JAM3: variants seen among roughly 807,000 people sequenced by gnomAD.
JAM3 encodes junctional adhesion molecule 3.
In JAM3, 31 loss-of-function variants were observed where a neutral mutation model predicts 39.4. The ratio of observed to expected loss-of-function variants is 0.79; its 90% confidence interval spans 0.59 to 1.06. JAM3 has a LOEUF of 1.06. Among genes scored for constraint, JAM3 ranks in the 50% least tolerant of loss-of-function variants. The pLI is 0.00. For synonymous variants in JAM3, 182 were observed against 148.7 expected (o/e 1.22, Z -1.63); for missense variants, 455 against 391.4 (o/e 1.16, Z -1.37).
intron 1 of JAM3, among the ~76,000 whole-genome samples, chr11:134,097,316 G>A (rs1219337031): frequency 6.6e-6 from 1 of 152,196 alleles, no homozygotes; most frequent in East Asian, 1.9e-4. Flanking sequence ...AGTGTTTAGT[G>A]TCTGTGGTTG....
chr11:134,093,756 C>T (rs1490604858), intron 1 of JAM3, among the ~76,000 whole-genome samples: 1 of 90,250 alleles, frequency 1.1e-5, no homozygotes, highest in African/African-American at 4.4e-5. Context: ...TCATGTTCCA[C>T]CTTACACGTC....
intron 1 of JAM3, among the ~76,000 whole-genome samples, chr11:134,074,087 G>A (rs2120564036): frequency 6.6e-6 from 1 of 152,316 alleles, no homozygotes; most frequent in South Asian, 2.1e-4. Flanking sequence ...TATCATTTAA[G>A]TGACACAAGC....
intron 1 of JAM3, among the ~76,000 whole-genome samples, chr11:134,109,136 A>AT (rs1942261208): frequency 6.6e-6 from 1 of 152,028 alleles, no homozygotes; most frequent in African/African-American, 2.4e-5. Flanking sequence ...TAATTTTTGT[A>AT]TTTTTAGAAG....
intron 1 of JAM3, among the ~76,000 whole-genome samples, chr11:134,125,134 C>G (rs151151345): frequency 4.6e-5 from 7 of 152,276 alleles, no homozygotes; most frequent in African/African-American, 1.4e-4. Flanking sequence ...CTGCTCCAGC[C>G]GCTCCCGGAC....
intron 1 of JAM3, chr11:134,070,082 C>T (rs539202270): frequency 3.1e-5 from 14 of 449,488 alleles, no homozygotes; most frequent in South Asian, 2.2e-4. Flanking sequence ...CTTTAGTGAG[C>T]TTGTACTGTC....
At chr11:134,123,565 T>A (rs558066932) in intron 1 of JAM3, among the ~76,000 whole-genome samples, 79 of 152,352 alleles carry the variant, frequency 5.2e-4, no homozygotes, top group African/African-American at 1.6e-3. Context: ...TGGCAGAAAT[T>A]CAAACTCCAA....
intron 1 of JAM3, among the ~76,000 whole-genome samples, chr11:134,121,624 A>T (rs753446539): frequency 6.6e-6 from 1 of 152,194 alleles, no homozygotes. Context: ...ATTAAATCCA[A>T]AAGAAAAAGA....
chr11:134,106,089 C>T (rs931986491), intron 1 of JAM3, among the ~76,000 whole-genome samples: 4 of 152,180 alleles, frequency 2.6e-5, no homozygotes, highest in African/African-American at 9.7e-5. Context: ...TGCTACCTGA[C>T]TTCAAACTAT....
At chr11:134,142,200 G>A (rs1184777845) in intron 3 of JAM3, among the ~76,000 whole-genome samples, 1 of 152,178 alleles carries the variant, frequency 6.6e-6, no homozygotes, top group Non-Finnish European at 1.5e-5. Flanking sequence ...CCACAGGGAT[G>A]GGGAGGCCGA....
chr11:134,143,297 G>A (rs533128052), intron 3 of JAM3, among the ~76,000 whole-genome samples: 4 of 152,302 alleles, frequency 2.6e-5, no homozygotes, highest in South Asian at 2.1e-4. Context: ...TGGAAGCGGC[G>A]TCTTGTGGAT....
chr11:134,099,766 C>T (rs1405476231), intron 1 of JAM3, among the ~76,000 whole-genome samples: 1 of 152,142 alleles, frequency 6.6e-6, no homozygotes, highest in East Asian at 1.9e-4. Context: ...GCCACCACGC[C>T]TGGCTAATTT....
chr11:134,115,774 G>A (rs1202279946), intron 1 of JAM3, among the ~76,000 whole-genome samples: 3 of 152,068 alleles, frequency 2.0e-5, no homozygotes, highest in African/African-American at 7.2e-5. Context: ...GCACACACCT[G>A]TAGTCCCAGC....
chr11:134,133,337 G>GA (rs1385440581), intron 1 of JAM3, among the ~76,000 whole-genome samples: 2 of 152,168 alleles, frequency 1.3e-5, no homozygotes, highest in African/African-American at 4.8e-5. Context: ...ATGTTGAATA[G>GA]AAGTGGTGAA....
In JAM3 at chr11:134,144,818, G is replaced by C. The variant is rs749718908; in HGVS notation, c.436G>C (p.Val146Leu). 2 of 1,614,144 alleles carry C rather than the reference G, an allele frequency of 1.2e-6. No individual in the cohort carries two copies. Among genetic ancestry groups the C allele is most frequent in the Non-Finnish European group, 1.7e-6 (2 of 1,180,016 alleles). ...GAAGCCAGTGACCCCTGTCTGTAGA[G>C]TGCCGAAGGCTGTACCAGTAGGCAA... ...QVKPVTPVCR[V>L]PKAVPVGKMA... Residue 146 changes from valine (V) to leucine (L), a missense_variant, in exon 5 of 9, where the codon GTG becomes CTG. Physicochemically the swap from Val to Leu is conservative, Grantham distance 32 (BLOSUM62 1). Coordinates refer to ENST00000299106, the MANE Select transcript of JAM3 (RefSeq NM_032801.5).
In JAM3 at chr11:134,148,597, G is replaced by T; in HGVS notation, c.763G>T (p.Val255Leu). ...IIGGVLVVLA[V>L]LALITLGICC... is the part of the protein sequence containing the mutation. ...TGGGGGGGTTCTGGTTGTCCTTGCT[G>T]TACTGGCCCTGATCACGTTGGGCAT... The change falls in exon 7 of 9, where the codon GTA becomes TTA. Residue 255 changes from valine to leucine, a missense_variant. Val to Leu is a conservative substitution (Grantham distance 32). Coordinates refer to ENST00000299106, the MANE Select transcript of JAM3 (RefSeq NM_032801.5). 1 of 1,614,140 alleles carries T rather than the reference G, an allele frequency of 6.2e-7. No homozygotes were observed. Among genetic ancestry groups the T allele is most frequent in the South Asian group, 1.1e-5 (1 of 91,076 alleles).
intron 1 of JAM3, among the ~76,000 whole-genome samples, chr11:134,073,720 A>G (rs775928951): frequency 1.3e-5 from 2 of 152,188 alleles, no homozygotes; most frequent in African/African-American, 2.4e-5. Flanking sequence ...GTGTCAGTGC[A>G]TTGTATTTTC....
At chr11:134,086,819 G>T (rs1232951075) in intron 1 of JAM3, among the ~76,000 whole-genome samples, 2 of 151,912 alleles carry the variant, frequency 1.3e-5, no homozygotes, top group African/African-American at 4.8e-5. Context: ...TGTTGTTGTT[G>T]TTGTTTTGTT....
chr11:134,128,982 G>T (rs1942709372), intron 1 of JAM3, among the ~76,000 whole-genome samples: 1 of 152,074 alleles, frequency 6.6e-6, no homozygotes, highest in Admixed American at 6.6e-5. Flanking sequence ...AGTACTGCAG[G>T]CTGGGAAGTC....
Position 134,088,531 on chromosome 11 carries a change from G to T in JAM3, c.76+19372G>T, listed in dbSNP as rs71486980. On this transcript the variant is annotated intron_variant, in intron 1 of 8. Coordinates refer to ENST00000299106, the MANE Select transcript of JAM3 (RefSeq NM_032801.5). Reference sequence around the variant, plus strand: ...ACGGAATACAAAATCTATTTTACATGTACATCCTTTTCTATATACTTAAGT... The same window carrying T: ...ACGGAATACAAAATCTATTTTACATTTACATCCTTTTCTATATACTTAAGT... Among the ~76,000 whole-genome samples the T allele has an allele frequency of 1.3e-5, 2 of 151,998 alleles. 1 individual carries two copies. Among genetic ancestry groups the T allele is most frequent in the Admixed American group, 1.3e-4 (2 of 15,254 alleles).
Sources: gnomAD v4.1 joint callset for allele counts (sites outside exome capture counted in the v4.1 genomes callset) on GRCh38, gnomAD v4.1.1 for gene constraint, MANE v1.5 for transcripts, NCBI Gene and HGNC (gene_info 2026-07-23, HGNC 2026-07-21) for gene names.